Variants in HSPA12A observed in about 807,000 individuals in gnomAD.
HSPA12A encodes the protein heat shock protein family A (Hsp70) member 12A.
HSPA12A carries 28 observed loss-of-function variants against 69.2 expected under a neutral mutation model. The observed-to-expected ratio is 0.40, with a 90% CI of 0.30 to 0.55. The LOEUF is 0.55. Ranked by LOEUF, HSPA12A falls within the 20% of genes least tolerant of loss-of-function variation. HSPA12A has a pLI of 0.38. For missense variants in HSPA12A, 686 were observed against 900.7 expected (o/e 0.76, Z 3.05); for synonymous variants, 345 against 370.5 (o/e 0.93, Z 0.79).
intron 2 of HSPA12A, among the ~76,000 whole-genome samples, chr10:116,806,046 G>T (rs972310791): frequency 6.6e-6 from 1 of 152,196 alleles, no homozygotes; most frequent in Non-Finnish European, 1.5e-5. Flanking sequence ...TGAAGGCAGA[G>T]ATGAAAACCC....
intron 2 of HSPA12A, among the ~76,000 whole-genome samples, chr10:116,770,820 G>A (rs902651776): frequency 1.3e-5 from 2 of 152,178 alleles, no homozygotes; most frequent in Non-Finnish European, 2.9e-5. Flanking sequence ...CTGTGAATTT[G>A]CTTTAAACAT....
intron 10 of HSPA12A, among the ~76,000 whole-genome samples, chr10:116,677,760 A>G (rs782288734): frequency 8.5e-5 from 13 of 152,332 alleles, no homozygotes; most frequent in Non-Finnish European, 1.9e-4. Flanking sequence ...AGGCAAAGAC[A>G]CTGTCAACCA....
At chr10:116,731,378 T>C (rs1851148450) in intron 1 of HSPA12A, among the ~76,000 whole-genome samples, 1 of 152,154 alleles carries the variant, frequency 6.6e-6, no homozygotes, top group Admixed American at 6.5e-5. Context: ...ATGCACCCCT[T>C]CTGCTGCTCT....
At chr10:116,798,651 G>A (rs941025034) in intron 2 of HSPA12A, among the ~76,000 whole-genome samples, 10 of 152,074 alleles carry the variant, frequency 6.6e-5, no homozygotes, top group South Asian at 2.1e-4. Flanking sequence ...AAACCACAGC[G>A]TTTGACAGCC....
chr10:116,674,285 A>G lies in HSPA12A; in HGVS notation c.*496T>C, dbSNP rs1405197090. The G allele has an allele frequency of 6.1e-6, 1 of 162,702 alleles. No individual in the cohort carries two copies. Among genetic ancestry groups the G allele is most frequent in the Non-Finnish European group, 1.4e-5 (1 of 73,446 alleles). The allele number at this position is 162,702 out of a possible 1,614,324, so 10.1% of individuals were successfully genotyped here. On this transcript the variant is annotated 3_prime_UTR_variant, in exon 12 of 12. Transcript: ENST00000369209. ...CCACTGAATCACCACTTTTAATCACATGATGAGGAAAAGAAATTAACTGCA... is the reference window on the plus strand; with the variant it reads ...CCACTGAATCACCACTTTTAATCACGTGATGAGGAAAAGAAATTAACTGCA...
chr10:116,758,227 A>G (rs1468460609), intron 2 of HSPA12A, among the ~76,000 whole-genome samples: 1 of 152,164 alleles, frequency 6.6e-6, no homozygotes, highest in South Asian at 2.1e-4. Flanking sequence ...TTTCAGACCC[A>G]TGTCCTGCCT....
chr10:116,798,500 C>A (rs138802039), intron 2 of HSPA12A, among the ~76,000 whole-genome samples: 4 of 152,100 alleles, frequency 2.6e-5, no homozygotes, highest in Non-Finnish European at 5.9e-5. Context: ...TAGCATAGCA[C>A]CTTCAGACAA....
chr10:116,730,694 A>G, intron 1 of HSPA12A, among the ~76,000 whole-genome samples: 1 of 152,228 alleles, frequency 6.6e-6, no homozygotes, highest in Admixed American at 6.5e-5. Context: ...TTCCCCAGCC[A>G]TGCCCACCCC....
intron 2 of HSPA12A, among the ~76,000 whole-genome samples, chr10:116,787,022 G>GCACA (rs1844593956): frequency 6.6e-6 from 1 of 150,660 alleles, no homozygotes; most frequent in African/African-American, 2.4e-5. Context: ...ACACACGCAC[G>GCACA]CACTCACACA....
upstream of HSPA12A, chr10:116,742,695 G>C (rs1851556072): frequency 1.3e-5 from 10 of 754,176 alleles, no homozygotes; most frequent in Non-Finnish European, 1.5e-5. Flanking sequence ...AAAGGTCGGG[G>C]AAGGCGGGCG....
At chr10:116,742,691 C>T (rs1337580573), upstream of HSPA12A, 20 of 761,304 alleles carry the variant, frequency 2.6e-5, 1 homozygote, top group Middle Eastern at 6.5e-4. Context: ...CGGGAAAGGT[C>T]GGGGAAGGCG....
At chr10:116,713,572 C>T (rs781991258) in intron 1 of HSPA12A, among the ~76,000 whole-genome samples, 3 of 152,066 alleles carry the variant, frequency 2.0e-5, no homozygotes, top group East Asian at 1.9e-4. Flanking sequence ...GATGAAATGT[C>T]GCAGGGAGAG....
intron 2 of HSPA12A, among the ~76,000 whole-genome samples, chr10:116,781,040 G>A (rs1554891747): frequency 6.6e-6 from 1 of 152,188 alleles, no homozygotes; most frequent in Non-Finnish European, 1.5e-5. Flanking sequence ...CAAGGTGAGA[G>A]GGTCGCTTGA....
chr10:116,815,451 C>T (rs1441076340), intron 2 of HSPA12A, among the ~76,000 whole-genome samples: 5 of 151,858 alleles, frequency 3.3e-5, no homozygotes, highest in East Asian at 1.9e-4. Flanking sequence ...GGTGCGTGCC[C>T]GTAGCCCCAG....
At chr10:116,682,458 G>A (rs201992486) in intron 7 of HSPA12A, among the ~76,000 whole-genome samples, 112 of 151,484 alleles carry the variant, frequency 7.4e-4, no homozygotes, top group Non-Finnish European at 1.4e-3. Flanking sequence ...AATAGACTGG[G>A]GGGGGGGGCC....
At chr10:116,811,063 G>C (rs1845169872) in intron 2 of HSPA12A, among the ~76,000 whole-genome samples, 1 of 152,178 alleles carries the variant, frequency 6.6e-6, no homozygotes, top group South Asian at 2.1e-4. Flanking sequence ...AGCTACCTGG[G>C]ATGAGGTGGT....
rs189266091 is a variant in HSPA12A, at chr10:116,700,332, C to T, written c.441+611G>A. On this transcript the variant is annotated intron_variant, in intron 4 of 11. Transcript: ENST00000369209. ...TGCCCTATCCTTTTCTACGAAGCTT[C>T]GGGGTGGCAGGGGGTGCCTGTTTGA... is the stretch of plus-strand genomic sequence containing the variant. Among the ~76,000 whole-genome samples the T allele has an allele frequency of 2.6e-5, 4 of 152,268 alleles. No homozygotes were observed. The South Asian group carries it at 6.2e-4, about 24-fold the overall frequency.
chr10:116,682,355 C>T (rs1445232773), intron 7 of HSPA12A, among the ~76,000 whole-genome samples: 1 of 152,070 alleles, frequency 6.6e-6, no homozygotes, highest in Non-Finnish European at 1.5e-5. Context: ...TGCCAAACAG[C>T]CTGCAGTGCG....
At chr10:116,827,542 C>T (rs1845531573) in intron 2 of HSPA12A, 1 of 152,330 alleles carries the variant, frequency 6.6e-6, no homozygotes, top group African/African-American at 2.4e-5. Flanking sequence ...TGAGTGTCAC[C>T]AACACTGCCA....
Sources: allele counts gnomAD v4.1 joint callset (sites outside exome capture counted in the v4.1 genomes callset), GRCh38; gene constraint gnomAD v4.1.1; transcripts MANE v1.5; gene names NCBI Gene and HGNC (gene_info 2026-07-23, HGNC 2026-07-21).